The following HECTD4 variants were observed in gnomAD, a reference collection of about 807,000 sequenced individuals.
HECTD4 encodes the protein HECT domain E3 ubiquitin protein ligase 4.
A neutral mutation model predicts 471.5 loss-of-function variants in HECTD4; 114 were observed. The ratio of observed to expected loss-of-function variants is 0.24; its 90% confidence interval spans 0.21 to 0.28. The LOEUF (loss-of-function observed/expected upper bound fraction) is 0.28, where lower values mean the gene tolerates loss of function less well. Ranked by LOEUF, HECTD4 falls within the 10% of genes least tolerant of loss-of-function variation. HECTD4 has a pLI of 1.00. For synonymous variants in HECTD4, 2,012 were observed against 2,256.0 expected (o/e 0.89, Z 3.07); for missense variants, 3,866 against 5,651.5 (o/e 0.68, Z 10.13).
chr12:112,293,116 A>G (rs2034927214), intron 7 of HECTD4, among the ~76,000 whole-genome samples: 1 of 152,086 alleles, frequency 6.6e-6, no homozygotes, highest in South Asian at 2.1e-4. Flanking sequence ...CTATAATCTC[A>G]GCAGTTTGGG....
intron 62 of HECTD4, among the ~76,000 whole-genome samples, chr12:112,181,912 T>C (rs2031681616): frequency 6.6e-6 from 1 of 151,404 alleles, no homozygotes; most frequent in Non-Finnish European, 1.5e-5. Context: ...GCCAACATGG[T>C]GAAACCCCGT....
rs535289440 is a variant in HECTD4, at chr12:112,235,634, A to G, written c.5595T>C (p.Cys1865=). ...AALPLMSVED[C]GNVELPPWSY... ...TCCAGGGTGGGAGCTCCACGTTTCC[A>G]CAGTCTTCTACGCTCATCAGGGGCA... Residue 1865 remains cysteine (C), a synonymous_variant, in exon 36 of 76, where the codon TGT becomes TGC. Coordinates refer to ENST00000682272, the MANE Select transcript of HECTD4 (RefSeq NM_001388303.1). This position sits in a 1 kb window ranked among gnomAD's most constrained non-coding sequence, Gnocchi z 5.0. 43 of 1,613,994 alleles carry G rather than the reference A, an allele frequency of 2.7e-5. No homozygotes were observed. The East Asian group carries it at 9.4e-4, about 35-fold the overall frequency.
rs550395502 is a variant in HECTD4 at position 112,295,595 on chromosome 12, C to A, written c.1335+10469G>T. 2.6e-5 allele frequency among the ~76,000 whole-genome samples: 4 copies of A among 151,400 alleles called. No homozygotes were observed. The South Asian group carries it at 8.4e-4, about 32-fold the overall frequency. ...CTTCAAGTGATCCTCCTGCTTCAGCCTCCCAAAGTGCTGGGATTACAGGCA... is the reference window on the plus strand; with the variant it reads ...CTTCAAGTGATCCTCCTGCTTCAGCATCCCAAAGTGCTGGGATTACAGGCA... On this transcript the variant is annotated intron_variant, in intron 7 of 75. Coordinates refer to ENST00000682272, the MANE Select transcript of HECTD4 (RefSeq NM_001388303.1).
rs2031781141 is a variant in HECTD4 at position 112,184,330 on chromosome 12, G to C, written c.10636C>G (p.Leu3546Val). 1 of 1,613,138 alleles carries C rather than the reference G, an allele frequency of 6.2e-7. No individual in the cohort carries two copies. Among genetic ancestry groups the C allele is most frequent in the Non-Finnish European group, 8.5e-7 (1 of 1,179,818 alleles). The change falls in exon 61 of 76, where the codon CTG becomes GTG. Residue 3546 changes from leucine to valine, a missense_variant. Coordinates refer to ENST00000682272, the MANE Select transcript of HECTD4 (RefSeq NM_001388303.1). The surrounding 1 kb of genome is among the most constrained non-coding windows in gnomAD (Gnocchi z 9.1). ...LDISLCSTGS[L>V]GSLGSLGEPL... ...TCCCCCAGGCTGCCCAGGCTGCCCA[G>C]GCTGCCGGTGCTGCACAGGGAAATG...
chr12:112,172,578 C>T (rs1010250656), intron 67 of HECTD4, 93 bp downstream of exon 67: 36 of 1,260,092 alleles, frequency 2.9e-5, no homozygotes, highest in African/African-American at 2.4e-4. Context: ...GTTCGATGGA[C>T]GTCTAAATGA....
intron 50 of HECTD4, among the ~76,000 whole-genome samples, chr12:112,209,445 C>T (rs1336876553): frequency 6.6e-6 from 1 of 151,882 alleles, no homozygotes; most frequent in Non-Finnish European, 1.5e-5. Flanking sequence ...TCTGCCTCAG[C>T]CTCCTGAGTA....
Position 112,185,340 on chromosome 12 carries a change from A to G in HECTD4, c.9626T>C (p.Leu3209Pro). ...SSIALQLNPC[L>P]AMLMALQSEL... ...CGACTGCAAGGCCATCAGCATGGCC[A>G]GGCAGGGGTTCAGCTGGAGGGCGAT... The change falls in exon 61 of 76, where the codon CTG becomes CCG. Residue 3209 changes from leucine (L) to proline (P), a missense_variant. This residue lies in a region of HECTD4 where 364 missense variants were observed against 413.2 expected (regional missense o/e 0.88). Transcript: ENST00000682272. 1 of 1,597,780 alleles carries G rather than the reference A, an allele frequency of 6.3e-7. No homozygotes were observed. Among genetic ancestry groups the G allele is most frequent in the Non-Finnish European group, 8.5e-7 (1 of 1,172,458 alleles).
chr12:112,295,679 C>T (rs2034993052), intron 7 of HECTD4, among the ~76,000 whole-genome samples: 1 of 150,108 alleles, frequency 6.7e-6, no homozygotes, highest in Non-Finnish European at 1.5e-5. Flanking sequence ...TCTCACTCCG[C>T]TGCCCAGGCT....
chr12:112,333,698 A>C (rs959013855), intron 1 of HECTD4, among the ~76,000 whole-genome samples: 4 of 152,292 alleles, frequency 2.6e-5, no homozygotes, highest in African/African-American at 7.2e-5. Flanking sequence ...AACAAACAAA[A>C]AAAGCACAAT....
intron 18 of HECTD4, 138 bp from the exon 19 acceptor site, chr12:112,259,403 C>G: frequency 2.5e-6 from 2 of 811,946 alleles, no homozygotes; most frequent in Non-Finnish European, 3.8e-6. Context: ...GATAGCAATT[C>G]AGTCCACAAA....
chr12:112,356,245 A>G lies in HECTD4; in HGVS notation c.177+25707T>C, dbSNP rs141572770. On this transcript the variant is annotated intron_variant, in intron 1 of 75. Coordinates refer to ENST00000682272, the MANE Select transcript of HECTD4 (RefSeq NM_001388303.1). ...TGATACTCTAATCCAAAAAATATCA[A>G]ATGATTGCTAAAAATAAAGGGGATA... Among the ~76,000 whole-genome samples the G allele has an allele frequency of 1.1e-3, 168 of 152,360 alleles. 1 individual carries two copies. The highest frequency in any genetic ancestry group is 3.4e-3 in the Middle Eastern group (1 of 294).
chr12:112,297,282 A>G (rs1370552410), intron 7 of HECTD4, among the ~76,000 whole-genome samples: 154 of 91,774 alleles, frequency 1.7e-3, no homozygotes, highest in Middle Eastern at 0.02. Context: ...AGGTGCAGTG[A>G]ATGTAGGTGC....
chr12:112,347,657 A>AG (rs1369627781), intron 1 of HECTD4, among the ~76,000 whole-genome samples: 2 of 152,248 alleles, frequency 1.3e-5, no homozygotes, highest in Non-Finnish European at 2.9e-5. Context: ...ATCATACGTC[A>AG]GAACCCTAGT....
intron 8 of HECTD4, among the ~76,000 whole-genome samples, chr12:112,280,686 T>C (rs1478614848): frequency 6.6e-6 from 1 of 151,872 alleles, no homozygotes; most frequent in East Asian, 1.9e-4. Flanking sequence ...AATTGGAAAA[T>C]TAGCAACTTT....
At position 112,382,369 on chromosome 12, in the gene HECTD4, C is replaced by A; in HGVS notation, c.-241G>T. On this transcript the variant is annotated 5_prime_UTR_variant, in exon 1 of 76. Transcript: ENST00000682272. The stretch of plus-strand genomic sequence containing the variant: ...CCGCCGCCGCCGCCGCCCTCAGGAG[C>A]AGGATCCGCCTCTGCCGCTCGGCAA... The A allele has an allele frequency of 5.4e-6, 2 of 372,088 alleles. No individual in the cohort carries two copies. The highest frequency in any genetic ancestry group is 9.4e-6 in the Non-Finnish European group (2 of 213,292). The allele number at this position is 372,088 out of a possible 1,614,324, so 23.0% of individuals were successfully genotyped here. A position where few individuals can be genotyped will look rare whatever the true frequency, so the allele number is the denominator to read the frequency against.
In HECTD4 at chr12:112,294,340, A is replaced by G. The variant is rs193293041; in HGVS notation, c.1336-11038T>C. Among the ~76,000 whole-genome samples, 4 of 152,300 alleles carry G rather than the reference A, an allele frequency of 2.6e-5. No individual in the cohort carries two copies. In the East Asian group the frequency reaches 7.7e-4, roughly 29 times the overall value. ...AAGATTAATCATAACTCAGTAGAGA[A>G]TTTCAGGGCTAGAACTCTATGAATC... On this transcript the variant is annotated intron_variant, in intron 7 of 75. Transcript: ENST00000682272.
intron 68 of HECTD4, 198 bp downstream of exon 68, chr12:112,170,919 G>T: frequency 1.9e-6 from 1 of 539,436 alleles, no homozygotes. Context: ...TTCAGAGCAT[G>T]TTACTTTTAT....
rs921109694 is a variant in HECTD4, at chr12:112,233,112, G to A, written c.5916-27C>T. The A allele has an allele frequency of 6.4e-6, 10 of 1,569,116 alleles. No homozygotes were observed. In the African/African-American group the frequency reaches 1.1e-4, roughly 17 times the overall value. The stretch of plus-strand genomic sequence containing the variant: ...TGAAAAAAGGCAGGCAGAGAACACA[G>A]CACACCTTACAGGCACTGCCAAAAG... On this transcript the variant is annotated intron_variant, in intron 37 of 75. Coordinates refer to ENST00000682272, the MANE Select transcript of HECTD4 (RefSeq NM_001388303.1).
chr12:112,358,028 C>T (rs1378873969), intron 1 of HECTD4, among the ~76,000 whole-genome samples: 2 of 152,198 alleles, frequency 1.3e-5, no homozygotes, highest in East Asian at 3.9e-4. Flanking sequence ...CATGGTGAAA[C>T]CCTGTCTCTA....
Sources: allele counts gnomAD v4.1 joint callset (sites outside exome capture counted in the v4.1 genomes callset), GRCh38; gene constraint gnomAD v4.1.1; regional missense constraint gnomAD v4.1.1; non-coding constraint Gnocchi (gnomAD v3.1); transcripts MANE v1.5; gene names NCBI Gene and HGNC (gene_info 2026-07-23, HGNC 2026-07-21).